KCNIP4: variants seen among roughly 807,000 people sequenced by gnomAD.
KCNIP4 encodes potassium voltage-gated channel interacting protein 4, also known as Kv channel-interacting protein 4.
Under a neutral mutation model 34.0 loss-of-function variants are expected in KCNIP4, and 12 were observed. The ratio of observed to expected loss-of-function variants is 0.35; its 90% CI spans 0.23 to 0.57. The LOEUF is 0.57. KCNIP4 is among the 20% of genes least tolerant of loss of function. KCNIP4 has a pLI of 0.83. For synonymous variants in KCNIP4, 124 were observed against 102.2 expected (o/e 1.21, Z -1.29); for missense variants, 238 against 311.7 (o/e 0.76, Z 1.78).
chr4:21,057,916 A>G (rs1164977672), intron 1 of KCNIP4, among the ~76,000 whole-genome samples: 4 of 152,184 alleles, frequency 2.6e-5, no homozygotes, highest in Non-Finnish European at 4.4e-5. Context: ...AAAATGTCAC[A>G]CTGATTTCCA....
At chr4:20,958,486 T>C (rs899176902) in intron 1 of KCNIP4, among the ~76,000 whole-genome samples, 5 of 152,212 alleles carry the variant, frequency 3.3e-5, no homozygotes, top group African/African-American at 1.2e-4. Context: ...CAGGCTTTTT[T>C]CCCTATTTCT....
intron 1 of KCNIP4, among the ~76,000 whole-genome samples, chr4:21,842,920 TAG>T (rs1210408230): frequency 6.6e-6 from 1 of 152,116 alleles, no homozygotes; most frequent in Non-Finnish European, 1.5e-5. Context: ...TGTGAGGATT[TAG>T]AGTTAATTCC....
At chr4:20,957,036 G>A (rs1733381802) in intron 1 of KCNIP4, among the ~76,000 whole-genome samples, 1 of 150,670 alleles carries the variant, frequency 6.6e-6, no homozygotes, top group African/African-American at 2.4e-5. Flanking sequence ...AGGAAGACAA[G>A]GAAAAAGAAA....
At chr4:21,412,106 T>C (rs1724559075) in intron 1 of KCNIP4, among the ~76,000 whole-genome samples, 1 of 152,060 alleles carries the variant, frequency 6.6e-6, no homozygotes, top group African/African-American at 2.4e-5. Context: ...AATCAGAAAA[T>C]GAAGTGTAAG....
At chr4:21,044,519 C>A (rs1742267236) in intron 1 of KCNIP4, among the ~76,000 whole-genome samples, 1 of 152,044 alleles carries the variant, frequency 6.6e-6, no homozygotes, top group Non-Finnish European at 1.5e-5. Flanking sequence ...ACCATGTTGG[C>A]CAGGATGGTC....
intron 1 of KCNIP4, among the ~76,000 whole-genome samples, chr4:20,993,547 A>G (rs534359988): frequency 6.6e-6 from 1 of 152,328 alleles, no homozygotes; most frequent in East Asian, 1.9e-4. Context: ...TAGAGGAAGA[A>G]GAAAAGTTTC....
At chr4:20,731,661 GATAATAT>G (rs933587901) in intron 8 of KCNIP4, 84 of 985,106 alleles carry the variant, frequency 8.5e-5, no homozygotes, top group Non-Finnish European at 9.9e-5. Flanking sequence ...AGATATGATA[GATAATAT>G]ATGAGTGATG....
chr4:21,092,546 T>C (rs1747090256), intron 1 of KCNIP4, among the ~76,000 whole-genome samples: 1 of 152,224 alleles, frequency 6.6e-6, no homozygotes, highest in Non-Finnish European at 1.5e-5. Context: ...ATGAGAGCCA[T>C]TTGTTTAAAG....
At chr4:21,202,062 T>C (rs1481725725) in intron 1 of KCNIP4, among the ~76,000 whole-genome samples, 2 of 152,214 alleles carry the variant, frequency 1.3e-5, no homozygotes, top group African/African-American at 4.8e-5. Context: ...AGTTGGAGAT[T>C]TCTCAAAGAA....
chr4:21,916,324 T>C (rs534039902), intron 1 of KCNIP4, among the ~76,000 whole-genome samples: 1 of 152,342 alleles, frequency 6.6e-6, no homozygotes, highest in African/African-American at 2.4e-5. Context: ...TCATGCCTTT[T>C]TTTCCAGTTA....
intron 1 of KCNIP4, among the ~76,000 whole-genome samples, chr4:21,384,186 C>T (rs1721802875): frequency 6.6e-6 from 1 of 152,136 alleles, no homozygotes; most frequent in Non-Finnish European, 1.5e-5. Context: ...CCCTCCACTC[C>T]TCTATGGAAT....
At chr4:21,532,510 A>G (rs1355554929) in intron 1 of KCNIP4, among the ~76,000 whole-genome samples, 1 of 152,208 alleles carries the variant, frequency 6.6e-6, no homozygotes, top group East Asian at 1.9e-4. Context: ...CCACAGTGGG[A>G]AGCACACAGG....
At chr4:21,427,575 T>C (rs1002489569) in intron 1 of KCNIP4, among the ~76,000 whole-genome samples, 2 of 152,078 alleles carry the variant, frequency 1.3e-5, no homozygotes, top group African/African-American at 2.4e-5. Flanking sequence ...AGAAACGCAC[T>C]CTGAGCAAGG....
intron 1 of KCNIP4, among the ~76,000 whole-genome samples, chr4:20,907,782 A>C (rs2149564066): frequency 6.6e-6 from 1 of 152,164 alleles, no homozygotes; most frequent in East Asian, 1.9e-4. Flanking sequence ...CAGTGGCGCG[A>C]TCTCGGCTCA....
chr4:21,831,832 C>T (rs1219151649), intron 1 of KCNIP4, among the ~76,000 whole-genome samples: 2 of 151,976 alleles, frequency 1.3e-5, no homozygotes, highest in Admixed American at 6.6e-5. Flanking sequence ...GATATGAAAA[C>T]CAAACAAGGA....
intron 1 of KCNIP4, among the ~76,000 whole-genome samples, chr4:21,238,530 AG>A (rs1422688942): frequency 6.6e-6 from 1 of 152,218 alleles, no homozygotes. Flanking sequence ...ACTTCAGCAA[AG>A]TCTCAGGATA....
intron 1 of KCNIP4, among the ~76,000 whole-genome samples, chr4:21,453,321 G>A (rs892763552): frequency 6.6e-6 from 1 of 152,074 alleles, no homozygotes; most frequent in Non-Finnish European, 1.5e-5. Flanking sequence ...CCCTTTATAT[G>A]AAAGAGGTAG....
Position 20,926,105 on chromosome 4 carries a change from CT to C in KCNIP4, c.62-43397del, listed in dbSNP as rs1254798955. Reference sequence around the variant, plus strand: ...TATTTTTTATACACAGCAAATTACCCTTATCAGACAGCAAATAAAGTGAATC... The same window carrying C: ...TATTTTTTATACACAGCAAATTACCCTATCAGACAGCAAATAAAGTGAATC... On this transcript the variant is annotated intron_variant, in intron 1 of 8. Coordinates refer to ENST00000382152, the MANE Select transcript of KCNIP4 (RefSeq NM_025221.6). Among the ~76,000 whole-genome samples, 6 of 152,208 alleles carry C rather than the reference CT, an allele frequency of 3.9e-5. No homozygotes were observed. The Middle Eastern group carries it at 0.01, about 259-fold the overall frequency.
chr4:20,743,942 A>T (rs1751796887), intron 5 of KCNIP4, among the ~76,000 whole-genome samples: 1 of 152,174 alleles, frequency 6.6e-6, no homozygotes, highest in Non-Finnish European at 1.5e-5. Flanking sequence ...CCCTTCAAAA[A>T]GTGGGCAAAG....
Sources: gnomAD v4.1 joint callset for allele counts (sites outside exome capture counted in the v4.1 genomes callset) on GRCh38, gnomAD v4.1.1 for gene constraint, MANE v1.5 for transcripts, NCBI Gene and HGNC (gene_info 2026-07-23, HGNC 2026-07-21) for gene names.